Variants in AHI1 observed in about 807,000 individuals in gnomAD.
The protein encoded by AHI1 is Abelson helper integration site 1, also known as jouberin.
Under a neutral mutation model 149.3 loss-of-function variants are expected in AHI1, and 123 were observed. The observed-to-expected ratio is 0.82, with a 90% CI of 0.71 to 0.96. The LOEUF is 0.96. Among genes scored for constraint, AHI1 ranks in the 40% least tolerant of loss-of-function variants. The probability of loss-of-function intolerance (pLI) is 0.00; values close to 1 mark genes in which losing one functional copy is unlikely to be tolerated. For synonymous variants in AHI1, 475 were observed against 459.8 expected (o/e 1.03, Z -0.42); for missense variants, 1,439 against 1,422.7 (o/e 1.01, Z -0.18).
At chr6:135,298,317 TGACA>T (rs1032994251) in intron 27 of AHI1, among the ~76,000 whole-genome samples, 6 of 141,170 alleles carry the variant, frequency 4.3e-5, no homozygotes, top group African/African-American at 1.7e-4. Flanking sequence ...TAGAAGTGAC[TGACA>T]TTTCTCAAAA....
rs145243153 is a variant in AHI1, at chr6:135,431,614, T to C, written c.2267-300A>G. ...TCAGTACATGTGTATATGGCTTATA[T>C]TCCAAAGCCAAATAATTTGAACCAT... On this transcript the variant is annotated intron_variant, in intron 16 of 28. Coordinates refer to ENST00000265602, the MANE Select transcript of AHI1 (RefSeq NM_001134831.2). Among the ~76,000 whole-genome samples, 457 of 152,312 alleles carry C rather than the reference T, an allele frequency of 3.0e-3. 7 individuals are homozygous for C. The highest frequency in any genetic ancestry group is 0.014 in the Middle Eastern group (4 of 294).
intron 10 of AHI1, among the ~76,000 whole-genome samples, chr6:135,453,949 G>A (rs1429735833): frequency 2.0e-5 from 3 of 151,982 alleles, no homozygotes; most frequent in Admixed American, 6.6e-5. Flanking sequence ...CAACCAACCT[G>A]CCACAGAGAT....
intron 20 of AHI1, among the ~76,000 whole-genome samples, chr6:135,425,277 C>T (rs959822219): frequency 2.0e-5 from 3 of 151,810 alleles, no homozygotes; most frequent in African/African-American, 4.8e-5. Flanking sequence ...TCCTCTTGCA[C>T]ATTAAGATAG....
rs1217172210 is a variant in AHI1, at chr6:135,428,670, C to T, written c.2582G>A (p.Gly861Glu). The T allele has an allele frequency of 1.2e-6, 2 of 1,608,768 alleles. No individual in the cohort carries two copies. The highest frequency in any genetic ancestry group is 1.7e-6 in the Non-Finnish European group (2 of 1,176,948). ...AACATACACTATACCATCCTCACTT[C>T]CAGCAAACAGAAAAGTCCCACATGG... ...LTPCGTFLFAGSEDGIVYVWN... is the reference protein window; with the variant it reads ...LTPCGTFLFAESEDGIVYVWN... The change falls in exon 19 of 29, where the codon GGA (glycine) becomes GAA (glutamate). Residue 861 changes from glycine (G) to glutamate (E), a missense_variant. Coordinates refer to ENST00000265602, the MANE Select transcript of AHI1 (RefSeq NM_001134831.2).
At chr6:135,359,113 G>C (rs1162024517) in intron 23 of AHI1, among the ~76,000 whole-genome samples, 2 of 152,112 alleles carry the variant, frequency 1.3e-5, no homozygotes, top group East Asian at 3.8e-4. Context: ...CTTAAAGTAC[G>C]GTAAAGGATT....
At chr6:135,333,357 T>C (rs1170963304) in intron 24 of AHI1, among the ~76,000 whole-genome samples, 14 of 152,204 alleles carry the variant, frequency 9.2e-5, no homozygotes. Context: ...ACTAGGACTA[T>C]ATTTTATTTC....
intron 5 of AHI1, among the ~76,000 whole-genome samples, chr6:135,481,856 G>T (rs1793704241): frequency 6.7e-6 from 1 of 149,424 alleles, no homozygotes; most frequent in Admixed American, 6.6e-5. Context: ...TTTGAGGACC[G>T]AGAATTTTAG....
chr6:135,426,679 C>T (rs1783957941), intron 20 of AHI1, among the ~76,000 whole-genome samples: 1 of 151,492 alleles, frequency 6.6e-6, no homozygotes, highest in African/African-American at 2.4e-5. Flanking sequence ...ACCATACTGT[C>T]CCTGAAAAAT....
chr6:135,435,553 G>A (rs1369405453), intron 15 of AHI1, among the ~76,000 whole-genome samples: 3 of 152,152 alleles, frequency 2.0e-5, no homozygotes, highest in Non-Finnish European at 4.4e-5. Context: ...AAAAGATTAC[G>A]TGGGTAAAGC....
At chr6:135,301,871 T>C in intron 26 of AHI1, 7 of 985,392 alleles carry the variant, frequency 7.1e-6, no homozygotes, top group Non-Finnish European at 8.4e-6. Context: ...AATAGAACAA[T>C]AAGCAAAGAA....
At chr6:135,306,217 G>C (rs1185095045) in intron 26 of AHI1, among the ~76,000 whole-genome samples, 1 of 152,172 alleles carries the variant, frequency 6.6e-6, no homozygotes, top group Non-Finnish European at 1.5e-5. Flanking sequence ...TAGGTGAGTG[G>C]GGATGGGGAT....
chr6:135,325,874 A>C (rs1254211613), intron 24 of AHI1, among the ~76,000 whole-genome samples: 2 of 152,208 alleles, frequency 1.3e-5, no homozygotes, highest in Admixed American at 1.3e-4. Flanking sequence ...TCACTTACGA[A>C]ATCCTACATC....
intron 5 of AHI1, among the ~76,000 whole-genome samples, chr6:135,479,912 A>G (rs1164577549): frequency 6.6e-6 from 1 of 152,110 alleles, no homozygotes; most frequent in Non-Finnish European, 1.5e-5. Flanking sequence ...GTTGTTTGAA[A>G]GTGTGTAGCA....
At chr6:135,309,735 G>T (rs1784937570) in intron 26 of AHI1, among the ~76,000 whole-genome samples, 1 of 152,082 alleles carries the variant, frequency 6.6e-6, no homozygotes, top group Non-Finnish European at 1.5e-5. Flanking sequence ...ACCTGCCTTG[G>T]CCTCCCAAAG....
chr6:135,393,285 A>AT, intron 23 of AHI1, among the ~76,000 whole-genome samples: 1 of 152,222 alleles, frequency 6.6e-6, no homozygotes, highest in South Asian at 2.1e-4. Context: ...TGAAAAAAAA[A>AT]TTTGTATGTA....
chr6:135,460,139 C>T (rs1001643006), intron 8 of AHI1, among the ~76,000 whole-genome samples: 8 of 152,068 alleles, frequency 5.3e-5, no homozygotes, highest in East Asian at 1.9e-4. Context: ...GCTGAGATCA[C>T]GCCACTGCAC....
At chr6:135,477,383 T>A (rs1412956543) in intron 5 of AHI1, among the ~76,000 whole-genome samples, 1 of 152,178 alleles carries the variant, frequency 6.6e-6, no homozygotes, top group East Asian at 1.9e-4. Context: ...TAGATTTTTG[T>A]GATTCCATTA....
rs140541656 is a variant in AHI1, at chr6:135,362,953, T to C, written c.3110-4766A>G. ...TTGCCTAAGCCAATGTCTAGTAGTG[T>C]TTTTCCAATATTATCTTCCAGAATT... On this transcript the variant is annotated intron_variant, in intron 23 of 28. Transcript: ENST00000265602. Among the ~76,000 whole-genome samples, 381 of 152,022 alleles carry C rather than the reference T, an allele frequency of 2.5e-3. 4 individuals are homozygous for C. The highest frequency in any genetic ancestry group is 8.4e-3 in the African/African-American group (349 of 41,542).
intron 24 of AHI1, among the ~76,000 whole-genome samples, chr6:135,335,968 CTGGGCG>C (rs1789310031): frequency 6.6e-6 from 1 of 151,800 alleles, no homozygotes; most frequent in Non-Finnish European, 1.5e-5. Flanking sequence ...GAAAAATTAG[CTGGGCG>C]TGGTGGAGCA....
Sources: gnomAD v4.1 joint callset for allele counts (sites outside exome capture counted in the v4.1 genomes callset) on GRCh38, gnomAD v4.1.1 for gene constraint, MANE v1.5 for transcripts, NCBI Gene and HGNC (gene_info 2026-07-23, HGNC 2026-07-21) for gene names.